Variants in DCLK1 observed in about 807,000 individuals in gnomAD.
DCLK1 encodes the protein doublecortin like kinase 1.
DCLK1 carries 16 observed loss-of-function variants against 86.2 expected under a neutral mutation model. That is an observed-to-expected ratio of 0.19 (90% CI 0.13 to 0.28). The LOEUF is 0.28. DCLK1 is among the 10% of genes least tolerant of loss of function. DCLK1 has a pLI of 1.00. For synonymous variants in DCLK1, 369 were observed against 370.5 expected, an observed-to-expected ratio of 1.00 and a Z score of 0.05; for missense variants, 590 against 940.2, an observed-to-expected ratio of 0.63 and a Z score of 4.87.
In DCLK1 at chr13:35,875,489, A is replaced by G. The variant is rs2153115469; in HGVS notation, c.824-4149T>C. Among the ~76,000 whole-genome samples, 3 of 152,360 alleles carry G rather than the reference A, an allele frequency of 2.0e-5. No homozygotes were observed. In the South Asian group the frequency reaches 6.2e-4, roughly 32 times the overall value. On this transcript the variant is annotated intron_variant, in intron 4 of 16. Coordinates refer to ENST00000360631, the MANE Select transcript of DCLK1 (RefSeq NM_001330071.2). ...CAATCCAGGACACCATAATAGAACC[A>G]ATCTTACCACACTCAGTTGACACTT...
In DCLK1 at chr13:36,114,185, A is replaced by G. The variant is rs185971533; in HGVS notation, c.377-1970T>C. On this transcript the variant is annotated intron_variant, in intron 2 of 16. Coordinates refer to ENST00000360631, the MANE Select transcript of DCLK1 (RefSeq NM_001330071.2). Reference sequence around the variant, plus strand: ...CATAGCAACATGGAGTGAGTTTGTTAAAAGAGAAAATAAACACTTTTTAAA... The same window carrying G: ...CATAGCAACATGGAGTGAGTTTGTTGAAAGAGAAAATAAACACTTTTTAAA... 6.6e-5 allele frequency among the ~76,000 whole-genome samples: 10 copies of G among 152,384 alleles called. No homozygotes were observed. In the East Asian group the frequency reaches 1.9e-3, roughly 29 times the overall value.
intron 14 of DCLK1, among the ~76,000 whole-genome samples, 182 bp downstream of exon 14, chr13:35,808,042 G>T (rs1001233475): frequency 6.6e-6 from 1 of 152,196 alleles, no homozygotes; most frequent in African/African-American, 2.4e-5. Flanking sequence ...AGTACTTGTT[G>T]GGATGTCTGG....
intron 4 of DCLK1, among the ~76,000 whole-genome samples, chr13:35,904,957 T>C (rs1395227888): frequency 1.3e-5 from 2 of 152,210 alleles, no homozygotes; most frequent in Non-Finnish European, 2.9e-5. Flanking sequence ...CCTGAAACTA[T>C]CTGTGCACTT....
At chr13:35,953,694 A>G (rs1214069103) in intron 3 of DCLK1, among the ~76,000 whole-genome samples, 1 of 152,188 alleles carries the variant, frequency 6.6e-6, no homozygotes, top group Non-Finnish European at 1.5e-5. Flanking sequence ...AAAGGCAATA[A>G]AAGCATCTGC....
intron 5 of DCLK1, chr13:35,855,612 C>A: frequency 6.5e-7 from 1 of 1,545,138 alleles, no homozygotes; most frequent in Non-Finnish European, 8.8e-7. Flanking sequence ...AAATGGGAAT[C>A]GGTTGGATGA....
intron 5 of DCLK1, among the ~76,000 whole-genome samples, chr13:35,854,943 G>A (rs1264614419): frequency 6.6e-6 from 1 of 152,164 alleles, no homozygotes; most frequent in Non-Finnish European, 1.5e-5. Context: ...TAACTCTTCA[G>A]TTTAGCTACC....
In DCLK1 at chr13:35,880,889, A is replaced by G. The variant is rs554982117; in HGVS notation, c.824-9549T>C. 3.3e-5 allele frequency among the ~76,000 whole-genome samples: 5 copies of G among 152,286 alleles called. No individual in the cohort carries two copies. The South Asian group carries it at 1.0e-3, about 32-fold the overall frequency. Reference sequence around the variant, plus strand: ...CTGAGCTTCTTCTCATAAAAAACCCATGTGTCTTCAGTGAGAGATTTGAAT... The same window carrying G: ...CTGAGCTTCTTCTCATAAAAAACCCGTGTGTCTTCAGTGAGAGATTTGAAT... On this transcript the variant is annotated intron_variant, in intron 4 of 16. Transcript: ENST00000360631.
intron 3 of DCLK1, among the ~76,000 whole-genome samples, chr13:35,994,099 T>A (rs1880370338): frequency 2.0e-5 from 2 of 98,170 alleles, no homozygotes; most frequent in African/African-American, 4.0e-5. Flanking sequence ...AAAAGTAACA[T>A]GCAGCTTCCA....
chr13:36,117,381 T>G (rs959712683), intron 2 of DCLK1, among the ~76,000 whole-genome samples: 1 of 152,176 alleles, frequency 6.6e-6, no homozygotes, highest in Admixed American at 6.5e-5. Context: ...AGATTTAAGA[T>G]GTACTCTTGT....
At chr13:35,859,856 T>C (rs555999113) in intron 5 of DCLK1, among the ~76,000 whole-genome samples, 1 of 151,540 alleles carries the variant, frequency 6.6e-6, no homozygotes, top group African/African-American at 2.4e-5. Context: ...TTCATTGCCC[T>C]TTTAAATGAC....
chr13:36,104,130 G>A (rs1593893730), intron 3 of DCLK1, among the ~76,000 whole-genome samples: 1 of 152,152 alleles, frequency 6.6e-6, no homozygotes, highest in Non-Finnish European at 1.5e-5. Flanking sequence ...GTGTGGCCAC[G>A]CTGCAGAGGG....
At chr13:35,826,418 G>A (rs1868433494) in intron 10 of DCLK1, among the ~76,000 whole-genome samples, 1 of 151,126 alleles carries the variant, frequency 6.6e-6, no homozygotes, top group Non-Finnish European at 1.5e-5. Context: ...AGCTACTAGG[G>A]AGGCTGAGGC....
chr13:35,837,745 AG>A (rs1383006836), intron 7 of DCLK1, among the ~76,000 whole-genome samples: 24 of 152,184 alleles, frequency 1.6e-4, no homozygotes, highest in Admixed American at 3.3e-4. Context: ...TATTCATAAA[AG>A]GTACCTTTCC....
intron 15 of DCLK1, among the ~76,000 whole-genome samples, chr13:35,801,309 C>T (rs961217728): frequency 6.6e-6 from 1 of 152,144 alleles, no homozygotes; most frequent in East Asian, 1.9e-4. Flanking sequence ...TCAACAAATG[C>T]TAAATGCTGA....
intron 10 of DCLK1, 24 bp downstream of exon 10, chr13:35,827,611 T>C (rs1439325699): frequency 1.9e-6 from 3 of 1,613,260 alleles, no homozygotes; most frequent in African/African-American, 1.3e-5. Flanking sequence ...CAATAAAGAC[T>C]TACTTTCTTT....
At chr13:35,810,773 T>C in intron 12 of DCLK1, 62 bp downstream of exon 12, 2 of 1,586,128 alleles carry the variant, frequency 1.3e-6, no homozygotes, top group Non-Finnish European at 8.6e-7. Context: ...CTATTTTTCC[T>C]ATTCTCGAAG....
chr13:35,784,612 G>C (rs775493351), intron 16 of DCLK1, among the ~76,000 whole-genome samples: 1 of 152,160 alleles, frequency 6.6e-6, no homozygotes, highest in Non-Finnish European at 1.5e-5. Flanking sequence ...ATCACAGTTT[G>C]AGTGGTTTTG....
chr13:35,793,246 TGAGCTGTCTAAAGAAATGACC>T, intron 16 of DCLK1, 99 bp downstream of exon 16: 1 of 636,304 alleles, frequency 1.6e-6, no homozygotes, highest in Non-Finnish European at 2.7e-6. Context: ...ATTAAGTGGC[TGAGCTGTCTAAAGAAATGACC>T]CATTCTGCTG....
rs1566600152 is a variant in DCLK1, at chr13:35,914,332, AATATATATATATATATACATATATAT to A, written c.823+33000_823+33025del. On this transcript the variant is annotated intron_variant, in intron 4 of 16. Coordinates refer to ENST00000360631, the MANE Select transcript of DCLK1 (RefSeq NM_001330071.2). ...GAGACCTTATCTCAGAAAAAAAAAA[AATATATATATATATATACATATATAT>A]ATATATATATGTATATATATATATA... Among the ~76,000 whole-genome samples, 62 of 74,072 alleles carry A rather than the reference AATATATATATATATATACATATATAT, an allele frequency of 8.4e-4. 1 individual carries two copies. The highest frequency in any genetic ancestry group is 1.6e-3 in the South Asian group (3 of 1,902). 48.6% of individuals were successfully genotyped at this position (74,072 alleles called of 152,430 possible). A position where few individuals can be genotyped will look rare whatever the true frequency, so the allele number is the denominator to read the frequency against.
Sources: gnomAD v4.1 joint callset for allele counts (sites outside exome capture counted in the v4.1 genomes callset) on GRCh38, gnomAD v4.1.1 for gene constraint, MANE v1.5 for transcripts, NCBI Gene and HGNC (gene_info 2026-07-23, HGNC 2026-07-21) for gene names.